The following GRID1 variants were observed in gnomAD, a reference collection of about 807,000 sequenced individuals.
GRID1 encodes the protein glutamate receptor ionotropic, delta-1.
Under a neutral mutation model 98.0 loss-of-function variants are expected in GRID1, and 28 were observed. The observed-to-expected ratio is 0.29, with a 90% confidence interval of 0.21 to 0.39. The LOEUF is 0.39. Ranked by LOEUF, GRID1 falls within the 10% of genes least tolerant of loss-of-function variation. GRID1 has a pLI of 1.00. For synonymous variants in GRID1, 553 were observed against 538.5 expected (o/e 1.03, Z -0.37); for missense variants, 1,111 against 1,340.5 (o/e 0.83, Z 2.67).
intron 2 of GRID1, among the ~76,000 whole-genome samples, chr10:86,326,023 G>C (rs1226135412): frequency 6.6e-6 from 1 of 152,196 alleles, no homozygotes; most frequent in Admixed American, 6.5e-5. Flanking sequence ...ACTCATACAA[G>C]AGTTCAGCAA....
intron 12 of GRID1, among the ~76,000 whole-genome samples, chr10:85,678,450 T>C (rs989761776): frequency 4.6e-5 from 7 of 152,082 alleles, no homozygotes; most frequent in Non-Finnish European, 2.9e-5. Context: ...GGAGCAGAAA[T>C]TGTTAACTGG....
At chr10:86,191,143 C>T (rs567025682) in intron 3 of GRID1, among the ~76,000 whole-genome samples, 45 of 152,244 alleles carry the variant, frequency 3.0e-4, no homozygotes, top group African/African-American at 1.1e-3. Flanking sequence ...GGCTTTTCAC[C>T]CTGGAGGAGC....
intron 5 of GRID1, among the ~76,000 whole-genome samples, chr10:85,914,017 C>T (rs1841576459): frequency 6.6e-6 from 1 of 152,172 alleles, no homozygotes; most frequent in Non-Finnish European, 1.5e-5. Flanking sequence ...GTAGAAGCCG[C>T]TCCAGTGTGG....
At chr10:86,124,885 C>T (rs1286732050) in intron 4 of GRID1, among the ~76,000 whole-genome samples, 2 of 152,164 alleles carry the variant, frequency 1.3e-5, no homozygotes, top group Non-Finnish European at 2.9e-5. Flanking sequence ...CTCTGGAGAG[C>T]CCCTGGGTGT....
chr10:85,773,080 T>C (rs898203287), intron 8 of GRID1, among the ~76,000 whole-genome samples: 7 of 152,176 alleles, frequency 4.6e-5, no homozygotes, highest in African/African-American at 7.2e-5. Context: ...CTCAATAAAA[T>C]ACTGGCAAAC....
intron 8 of GRID1, among the ~76,000 whole-genome samples, chr10:85,773,291 T>C (rs1425084267): frequency 2.0e-5 from 3 of 152,136 alleles, no homozygotes; most frequent in African/African-American, 7.2e-5. Context: ...TGCTAAAAAC[T>C]CTCAATAAAT....
intron 4 of GRID1, among the ~76,000 whole-genome samples, chr10:86,085,419 T>C (rs1844037677): frequency 6.6e-6 from 1 of 152,100 alleles, no homozygotes; most frequent in South Asian, 2.1e-4. Flanking sequence ...TGAGAAAATG[T>C]GGAAAACAGG....
In GRID1 at chr10:86,038,985, T is replaced by TG. The variant is rs745775131; in HGVS notation, c.726+99833_726+99834insC. ...AACAAACAAGCCCAGCCAATTTCGCTTTCCAAGCAGGTCAGAAATCCACCC... is the reference window on the plus strand; with the variant it reads ...AACAAACAAGCCCAGCCAATTTCGCTGTTCCAAGCAGGTCAGAAATCCACCC... On this transcript the variant is annotated intron_variant, in intron 4 of 15. Coordinates refer to ENST00000327946, the MANE Select transcript of GRID1 (RefSeq NM_017551.3). Among the ~76,000 whole-genome samples, 3 of 152,272 alleles carry TG rather than the reference T, an allele frequency of 2.0e-5. No homozygotes were observed. The East Asian group carries it at 5.8e-4, about 29-fold the overall frequency.
rs1355734383 is a variant in GRID1, at chr10:86,195,196, C to A, written c.520+11168G>T. Among the ~76,000 whole-genome samples, 1 of 152,108 alleles carries A rather than the reference C, an allele frequency of 6.6e-6. No homozygotes were observed. Among genetic ancestry groups the A allele is most frequent in the Non-Finnish European group, 1.5e-5 (1 of 67,976 alleles). On this transcript the variant is annotated intron_variant, in intron 3 of 15. Transcript: ENST00000327946. The surrounding 1 kb of genome is among the most constrained non-coding windows in gnomAD (Gnocchi z 4.4). ...CCATGAGAGGGCCACACTGCACAGT[C>A]AGCGACTGTGCTTGACTGAGAAACA...
In GRID1 at chr10:86,331,329, G is replaced by A. The variant is rs564167380; in HGVS notation, c.235+32612C>T. 9.2e-5 allele frequency among the ~76,000 whole-genome samples: 14 copies of A among 152,292 alleles called. No homozygotes were observed. In the South Asian group the frequency reaches 2.7e-3, roughly 29 times the overall value. On this transcript the variant is annotated intron_variant, in intron 2 of 15. Transcript: ENST00000327946. ...GGCAGGAGGCACACAGAGCCGTCCT[G>A]ACAGGGCCTCCCAGCCTGCAGAGCC...
intron 4 of GRID1, among the ~76,000 whole-genome samples, chr10:85,936,045 C>T (rs1308660123): frequency 6.6e-6 from 1 of 152,070 alleles, no homozygotes; most frequent in Admixed American, 6.5e-5. Context: ...GCAACACAGA[C>T]ACATACACAG....
chr10:85,832,215 G>A (rs539472756), intron 8 of GRID1, among the ~76,000 whole-genome samples: 2 of 152,066 alleles, frequency 1.3e-5, no homozygotes, highest in Non-Finnish European at 2.9e-5. Context: ...CTTCACTAGT[G>A]AATTATTCTG....
chr10:86,222,808 G>A (rs1202064918), intron 2 of GRID1, among the ~76,000 whole-genome samples: 1 of 152,144 alleles, frequency 6.6e-6, no homozygotes, highest in Non-Finnish European at 1.5e-5. Context: ...CAGCTGAAGG[G>A]GGGCAGGGCA....
chr10:86,016,107 G>C (rs1842976393), intron 4 of GRID1, among the ~76,000 whole-genome samples: 1 of 151,716 alleles, frequency 6.6e-6, no homozygotes, highest in South Asian at 2.1e-4. Flanking sequence ...TAAACAAGAG[G>C]CTGAGTTAAA....
rs1564575083 is a variant in GRID1 at position 85,737,662 on chromosome 10, ATATATATATAT to A, written c.1234-8059_1234-8049del. ...TAAAGCCAGATATATATATATATATATATATATATATAAACATATATGGTTATATATATATA... is the reference window on the plus strand; with the variant it reads ...TAAAGCCAGATATATATATATATATAAAACATATATGGTTATATATATATA... On this transcript the variant is annotated intron_variant, in intron 8 of 15. Coordinates refer to ENST00000327946, the MANE Select transcript of GRID1 (RefSeq NM_017551.3). Among the ~76,000 whole-genome samples, 16 of 133,424 alleles carry A rather than the reference ATATATATATAT, an allele frequency of 1.2e-4. 2 individuals carry two copies. The highest frequency in any genetic ancestry group is 2.4e-4 in the Non-Finnish European group (15 of 62,444). The allele number at this position is 133,424 out of a possible 152,430, so 87.5% of individuals were successfully genotyped here. A position where few individuals can be genotyped will look rare whatever the true frequency, so the allele number is the denominator to read the frequency against.
intron 2 of GRID1, among the ~76,000 whole-genome samples, chr10:86,337,132 T>A (rs1487087157): frequency 6.6e-6 from 1 of 151,730 alleles, no homozygotes; most frequent in Non-Finnish European, 1.5e-5. Flanking sequence ...ATTACAGGCA[T>A]AAGCCACGGT....
chr10:86,072,608 T>G (rs1315694452), intron 4 of GRID1, among the ~76,000 whole-genome samples: 1 of 152,234 alleles, frequency 6.6e-6, no homozygotes, highest in Non-Finnish European at 1.5e-5. Context: ...TCCAAATTAG[T>G]AAGGAGAAAA....
At chr10:85,893,169 G>C (rs1162516118) in intron 5 of GRID1, among the ~76,000 whole-genome samples, 2 of 151,984 alleles carry the variant, frequency 1.3e-5, no homozygotes, top group Non-Finnish European at 2.9e-5. Context: ...AAAATATTTG[G>C]CAAAATTCAA....
chr10:86,049,446 C>A (rs1055833350), intron 4 of GRID1, among the ~76,000 whole-genome samples: 1 of 152,168 alleles, frequency 6.6e-6, no homozygotes, highest in South Asian at 2.1e-4. Flanking sequence ...GGTGGAGATG[C>A]GGCTACTATA....
Sources: gnomAD v4.1 joint callset for allele counts (sites outside exome capture counted in the v4.1 genomes callset) on GRCh38, gnomAD v4.1.1 for gene constraint, Gnocchi (gnomAD v3.1) non-coding constraint, MANE v1.5 for transcripts, NCBI Gene and HGNC (gene_info 2026-07-23, HGNC 2026-07-21) for gene names.